SCAF1: variants seen among roughly 807,000 people sequenced by gnomAD.
SCAF1 encodes the protein splicing factor, arginine/serine-rich 19.
Under a neutral mutation model 91.2 loss-of-function variants are expected in SCAF1, and 28 were observed. The observed-to-expected ratio is 0.31, with a 90% CI of 0.23 to 0.42. The LOEUF is 0.42. Ranked by LOEUF, SCAF1 falls within the 10% of genes least tolerant of loss-of-function variation. The probability of loss-of-function intolerance (pLI) is 1.00; values close to 1 mark genes in which losing one functional copy is unlikely to be tolerated. For missense variants in SCAF1, 1,893 were observed against 1,872.1 expected (o/e 1.01, Z -0.21); for synonymous variants, 1,036 against 833.7 (o/e 1.24, Z -4.18).
rs761378711 is a variant in SCAF1, at chr19:49,654,448, G to A, written c.3399+17G>A. On this transcript the variant is annotated intron_variant, in intron 8 of 10. Coordinates refer to ENST00000360565, the MANE Select transcript of SCAF1 (RefSeq NM_021228.3). The stretch of plus-strand genomic sequence containing the variant: ...ACCAACCAGGTGGGCTCCCCTGGGG[G>A]AGAGTCCCTGCCGCCCCTTCTTTTG... 6.2e-7 allele frequency: 1 copy of A among 1,609,494 alleles called. No individual in the cohort carries two copies. Among genetic ancestry groups the A allele is most frequent in the East Asian group, 2.2e-5 (1 of 44,852 alleles).
rs540433699 is a variant in SCAF1 at position 49,645,580 on chromosome 19, A to G, written c.166+169A>G. On this transcript the variant is annotated intron_variant, in intron 3 of 10. Transcript: ENST00000360565. This position sits in a 1 kb window ranked among gnomAD's most constrained non-coding sequence, Gnocchi z 4.6. ...GCTGCCTTGGAAGGGCCTAGTGTGC[A>G]GTGGAAGGGAGACAGGCACAGTGCT... Among the ~76,000 whole-genome samples the G allele has an allele frequency of 1.6e-4, 24 of 152,210 alleles. 1 individual carries two copies. Among genetic ancestry groups the G allele is most frequent in the Non-Finnish European group, 8.8e-5 (6 of 68,038 alleles).
At chr19:49,640,824 C>T (rs1444607864), upstream of SCAF1, among the ~76,000 whole-genome samples, 1 of 152,102 alleles carries the variant, frequency 6.6e-6, no homozygotes, top group Non-Finnish European at 1.5e-5. Context: ...GCCAGCTCGC[C>T]CAAGTAGGGA....
At chr19:49,641,543 C>T (rs1203522310), upstream of SCAF1, among the ~76,000 whole-genome samples, 2 of 152,200 alleles carry the variant, frequency 1.3e-5, no homozygotes, top group African/African-American at 4.8e-5. Context: ...TCTTGAACTC[C>T]TGATATCAGA....
chr19:49,648,366 C>G (rs1216877035), intron 6 of SCAF1, among the ~76,000 whole-genome samples: 1 of 152,144 alleles, frequency 6.6e-6, no homozygotes, highest in Non-Finnish European at 1.5e-5. Context: ...CCTGCCTCAA[C>G]CTCCCAAACT....
chr19:49,652,212 G>C lies in SCAF1; in HGVS notation c.1823G>C (p.Arg608Pro). ...TCGCGGTCCCGGGAGAAGCGGCGACGGCGGCGGCGCTCCGCCTCCCCGCCC... is the reference window on the plus strand; with the variant it reads ...TCGCGGTCCCGGGAGAAGCGGCGACCGCGGCGGCGCTCCGCCTCCCCGCCC... ...RRSRSREKRR[R>P]RRRSASPPPA... The change falls in exon 7 of 11, where the codon CGG becomes CCG. Residue 608 changes from arginine to proline, a missense_variant. Physicochemically the swap from Arg to Pro is moderately radical, Grantham distance 103. This residue lies in a region of SCAF1 where 1,436 missense variants were observed against 1,306.8 expected (regional missense o/e 1.10). Coordinates refer to ENST00000360565, the MANE Select transcript of SCAF1 (RefSeq NM_021228.3). The C allele has an allele frequency of 1.5e-6, 2 of 1,322,618 alleles. No homozygotes were observed. The highest frequency in any genetic ancestry group is 1.9e-6 in the Non-Finnish European group (2 of 1,038,748). The allele number at this position is 1,322,618 out of a possible 1,614,324, so 81.9% of individuals were successfully genotyped here. A position where few individuals can be genotyped will look rare whatever the true frequency, so the allele number is the denominator to read the frequency against.
At chr19:49,650,430 A>G (rs2081078519) in intron 6 of SCAF1, among the ~76,000 whole-genome samples, 1 of 152,106 alleles carries the variant, frequency 6.6e-6, no homozygotes, top group Non-Finnish European at 1.5e-5. Flanking sequence ...TTCTCCCCCC[A>G]GGATGGAGTG....
chr19:49,651,819 G>C lies in SCAF1; in HGVS notation c.1430G>C (p.Trp477Ser), dbSNP rs2081093225. The stretch of plus-strand genomic sequence containing the variant: ...GCGCCGCCCGCCGCCGACTCGCGCT[G>C]GGGCGGCCTGGACCTGCGCCGCAAG... ...APAPPAADSRWGGLDLRRKIL... is the reference protein window; with the variant it reads ...APAPPAADSRSGGLDLRRKIL... The change falls in exon 7 of 11, where the codon TGG becomes TCG. Residue 477 changes from tryptophan to serine, a missense_variant. This residue lies in a region of SCAF1 where 1,436 missense variants were observed against 1,306.8 expected (regional missense o/e 1.10). Transcript: ENST00000360565. 1 of 1,255,106 alleles carries C rather than the reference G, an allele frequency of 8.0e-7. No homozygotes were observed. Among genetic ancestry groups the C allele is most frequent in the Admixed American group, 4.6e-5 (1 of 21,808 alleles). The allele number at this position is 1,255,106 out of a possible 1,614,324, so 77.7% of individuals were successfully genotyped here. A position where few individuals can be genotyped will look rare whatever the true frequency, so the allele number is the denominator to read the frequency against.
rs1405717926 is a variant in SCAF1 at position 49,645,467 on chromosome 19, T to TA, written c.166+58dup. ...TGCCCCCTCTCTGCATTCTTTATCCTAATGTCATTCATACAAGCTTTTCTG... is the reference window on the plus strand; with the variant it reads ...TGCCCCCTCTCTGCATTCTTTATCCTAAATGTCATTCATACAAGCTTTTCTG... On this transcript the variant is annotated intron_variant, in intron 3 of 10. Transcript: ENST00000360565. This position sits in a 1 kb window ranked among gnomAD's most constrained non-coding sequence, Gnocchi z 4.6. The TA allele has an allele frequency of 4.5e-5, 69 of 1,546,982 alleles. No individual in the cohort carries two copies. In the East Asian group the frequency reaches 1.6e-3, roughly 35 times the overall value.
intron 8 of SCAF1, 34 bp from the exon 9 acceptor site, chr19:49,654,618 C>G: frequency 6.5e-7 from 1 of 1,544,652 alleles, no homozygotes. Context: ...CTCCACCTCC[C>G]TTTACTCATC....
chr19:49,654,813 C>T lies in SCAF1; in HGVS notation c.3561C>T (p.Ala1187=), dbSNP rs778336058. 7 of 1,612,398 alleles carry T rather than the reference C, an allele frequency of 4.3e-6. No individual in the cohort carries two copies. The African/African-American group carries it at 9.3e-5, about 22-fold the overall frequency. ...CCCCCACCCCCACCGGGCTGGCTGC[C>T]ACGTCTGACAAGAGAGAGGGCAGCA... is the stretch of plus-strand genomic sequence containing the variant. The part of the protein sequence containing the change: ...STPPTPTGLA[A]TSDKREGSSS... The change falls in exon 9 of 11, where the codon GCC becomes GCT. Residue 1187 remains alanine (A), a synonymous_variant. Transcript: ENST00000360565.
rs369878803 is a variant in SCAF1 at position 49,652,547 on chromosome 19, C to T, written c.2158C>T (p.Pro720Ser). The T allele has an allele frequency of 1.9e-6, 3 of 1,565,284 alleles. No homozygotes were observed. The highest frequency in any genetic ancestry group is 2.6e-6 in the Non-Finnish European group (3 of 1,154,188). Residue 720 changes from proline (P) to serine (S), a missense_variant, in exon 7 of 11, where the codon CCT becomes TCT. Coordinates refer to ENST00000360565, the MANE Select transcript of SCAF1 (RefSeq NM_021228.3). Reference sequence around the variant, plus strand: ...CAAGTCCGACCCCCGAGGACCCTCTCCTGCTCCGGCCTCCTCACCTAAGCG... The same window carrying T: ...CAAGTCCGACCCCCGAGGACCCTCTTCTGCTCCGGCCTCCTCACCTAAGCG... ...LDKSDPRGPS[P>S]APASSPKREV... is the part of the protein sequence containing the mutation.
Position 49,646,229 on chromosome 19 carries a change from C to T in SCAF1, c.261+27C>T. ...TGAGTAAGAAGAGGGGGCTGGGGGC[C>T]TGGCTCACGGGTATCAGGGAGGAAG... On this transcript the variant is annotated intron_variant, in intron 4 of 10. Transcript: ENST00000360565. This position sits in a 1 kb window ranked among gnomAD's most constrained non-coding sequence, Gnocchi z 5.6. 6.4e-7 allele frequency: 1 copy of T among 1,551,324 alleles called. No individual in the cohort carries two copies.
At chr19:49,656,693 C>G (rs1331976419) in intron 9 of SCAF1, among the ~76,000 whole-genome samples, 1 of 152,202 alleles carries the variant, frequency 6.6e-6, no homozygotes, top group Non-Finnish European at 1.5e-5. Context: ...CTCGGAGGCT[C>G]TCTGCCCTGT....
chr19:49,648,450 G>T (rs78826826), intron 6 of SCAF1, among the ~76,000 whole-genome samples: 4 of 151,828 alleles, frequency 2.6e-5, no homozygotes, highest in Non-Finnish European at 5.9e-5. Context: ...ATAGAGATGA[G>T]GTCTTGATAT....
At chr19:49,653,731 T>A in intron 7 of SCAF1, 26 bp downstream of exon 7, 1 of 1,492,774 alleles carries the variant, frequency 6.7e-7, no homozygotes, top group Non-Finnish European at 8.9e-7. Context: ...GGGAGGGTGG[T>A]GCTGGGGCAG....
At chr19:49,644,913 G>A in intron 1 of SCAF1, 108 bp from the exon 2 acceptor site, 1 of 728,162 alleles carries the variant, frequency 1.4e-6, no homozygotes, top group African/African-American at 1.8e-5. Flanking sequence ...GTGCCAGAGG[G>A]GATGCTGAGG....
At chr19:49,647,734 C>T (rs542937653) in intron 6 of SCAF1, among the ~76,000 whole-genome samples, 7 of 152,124 alleles carry the variant, frequency 4.6e-5, no homozygotes, top group African/African-American at 1.2e-4. Context: ...CGAGTACAAG[C>T]GATTCTCCTG....
chr19:49,653,325 C>G lies in SCAF1; in HGVS notation c.2936C>G (p.Pro979Arg), dbSNP rs768543853. 29 of 1,467,942 alleles carry G rather than the reference C, an allele frequency of 2.0e-5. No individual in the cohort carries two copies. The highest frequency in any genetic ancestry group is 2.3e-5 in the Non-Finnish European group (26 of 1,107,930). 90.9% of individuals were successfully genotyped at this position (1,467,942 alleles called of 1,614,324 possible). ...RAAKVPSTPP[P>R]KAAPPPPALT... ...GCCAAGGTTCCTAGCACCCCGCCCC[C>G]CAAGGCAGCCCCACCACCCCCTGCC... The change falls in exon 7 of 11, where the codon CCC becomes CGC. Residue 979 changes from proline (P) to arginine (R), a missense_variant. Coordinates refer to ENST00000360565, the MANE Select transcript of SCAF1 (RefSeq NM_021228.3).
At chr19:49,649,681 G>A (rs1015322253) in intron 6 of SCAF1, among the ~76,000 whole-genome samples, 2 of 152,172 alleles carry the variant, frequency 1.3e-5, no homozygotes, top group African/African-American at 4.8e-5. Context: ...TTTTAGTAGA[G>A]ATGGGCTTTC....
Sources: gnomAD v4.1 joint callset for allele counts (sites outside exome capture counted in the v4.1 genomes callset) on GRCh38, gnomAD v4.1.1 for gene constraint, gnomAD v4.1.1 regional missense constraint, Gnocchi (gnomAD v3.1) non-coding constraint, MANE v1.5 for transcripts, NCBI Gene and HGNC (gene_info 2026-07-23, HGNC 2026-07-21) for gene names.